Variants in CUX1 observed in about 807,000 individuals in gnomAD.
CUX1 encodes cut like homeobox 1, also known as protein CASP.
In CUX1, 31 loss-of-function variants were observed where a neutral mutation model predicts 158.8. The observed-to-expected ratio is 0.20, with a 90% CI of 0.15 to 0.26. CUX1 has a LOEUF of 0.26. CUX1 is among the 10% of genes least tolerant of loss of function. The pLI is 1.00. For synonymous variants in CUX1, 879 were observed against 862.1 expected (o/e 1.02, Z -0.34); for missense variants, 1,589 against 2,014.6 (o/e 0.79, Z 4.04).
intron 3 of CUX1, among the ~76,000 whole-genome samples, chr7:102,043,998 G>A (rs1487901237): frequency 1.3e-5 from 2 of 151,984 alleles, no homozygotes; most frequent in Non-Finnish European, 2.9e-5. Context: ...TCTTTTTTTA[G>A]AGAGAGACAG....
chr7:101,922,860 C>T (rs748996882), intron 2 of CUX1, among the ~76,000 whole-genome samples: 7 of 152,204 alleles, frequency 4.6e-5, no homozygotes, highest in Admixed American at 1.3e-4. Context: ...CTGGGCTGGC[C>T]ACAGCATGTC....
upstream of CUX1, chr7:101,817,543 C>T (rs1044085183): frequency 7.9e-7 from 1 of 1,272,526 alleles, no homozygotes; most frequent in Non-Finnish European, 9.9e-7. The surrounding 1 kb of genome is among the most constrained non-coding windows in gnomAD (Gnocchi z 4.1). Context: ...TGCCTGCCAC[C>T]CCCCGCCCGG....
chr7:102,104,468 G>A lies in CUX1; in HGVS notation c.530+9G>A. The A allele has an allele frequency of 6.2e-7, 1 of 1,612,360 alleles. No homozygotes were observed. The highest frequency in any genetic ancestry group is 1.1e-5 in the South Asian group (1 of 90,830). On this transcript the variant is annotated intron_variant, in intron 6 of 23. Transcript: ENST00000292535. ...TTTGCAGAAAAGGAGAGGTGAGCATGACTTCCAGGCACACACAGACTGACA... is the reference window on the plus strand; with the variant it reads ...TTTGCAGAAAAGGAGAGGTGAGCATAACTTCCAGGCACACACAGACTGACA...
At chr7:102,274,805 G>T (rs1439170629) in intron 16 of CUX1, among the ~76,000 whole-genome samples, 1 of 152,224 alleles carries the variant, frequency 6.6e-6, no homozygotes, top group East Asian at 1.9e-4. Context: ...AGCCTCCTTG[G>T]GTATTGAGGA....
At chr7:102,186,746 G>T (rs1441339778) in intron 11 of CUX1, 2 of 152,076 alleles carry the variant, frequency 1.3e-5, no homozygotes, top group Non-Finnish European at 2.9e-5. Context: ...AATCTTACGG[G>T]ACTCAGGCCA....
intron 21 of CUX1, among the ~76,000 whole-genome samples, chr7:102,282,083 AGGGACGAGAAGGACCCACCCCATT>A (rs1792117393): frequency 6.6e-6 from 1 of 152,074 alleles, no homozygotes; most frequent in Non-Finnish European, 1.5e-5. Flanking sequence ...GGCCCACCCC[AGGGACGAGAAGGACCCACCCCATT>A]GGGACCTCTG....
Position 101,916,562 on chromosome 7 carries a change from T to C in CUX1, c.141+337T>C. On this transcript the variant is annotated intron_variant, in intron 2 of 23. Transcript: ENST00000292535. The surrounding 1 kb of genome is among the most constrained non-coding windows in gnomAD (Gnocchi z 4.4). The stretch of plus-strand genomic sequence containing the variant: ...ATCCCAGACCCTGTCCCATGTCAGT[T>C]AGCAAGCCACCAAAGTCCATAAGGG... 3.8e-6 allele frequency: 1 copy of C among 259,808 alleles called. No individual in the cohort carries two copies. Among genetic ancestry groups the C allele is most frequent in the Admixed American group, 4.6e-5 (1 of 21,906 alleles). The allele number at this position is 259,808 out of a possible 1,614,324, so 16.1% of individuals were successfully genotyped here.
intron 4 of CUX1, among the ~76,000 whole-genome samples, chr7:102,094,054 G>A (rs1439773631): frequency 1.3e-5 from 2 of 152,192 alleles, no homozygotes; most frequent in African/African-American, 4.8e-5. Flanking sequence ...TATTATTTCC[G>A]TAGATTAACA....
chr7:102,010,948 C>G (rs1817933118), intron 2 of CUX1, among the ~76,000 whole-genome samples: 1 of 151,886 alleles, frequency 6.6e-6, no homozygotes, highest in African/African-American at 2.4e-5. Context: ...CCCATCTCTA[C>G]TAAAAATACA....
At position 102,253,448 on chromosome 7, in the gene CUX1, G is replaced by C; in HGVS notation, c.*4406G>C. 1 of 985,494 alleles carries C rather than the reference G, an allele frequency of 1.0e-6. No individual in the cohort carries two copies. The highest frequency in any genetic ancestry group is 1.2e-6 in the Non-Finnish European group (1 of 829,952). The allele number at this position is 985,494 out of a possible 1,614,324, so 61.0% of individuals were successfully genotyped here. A position where few individuals can be genotyped will look rare whatever the true frequency, so the allele number is the denominator to read the frequency against. On this transcript the variant is annotated 3_prime_UTR_variant, in exon 24 of 24. Coordinates refer to ENST00000292535, the MANE Select transcript of CUX1 (RefSeq NM_181552.4). ...CCCCAGGTGAGCTCTCTGACGGGCA[G>C]GTGCCTTCCCGACTAAGGTTGGACT...
At chr7:101,826,877 C>A (rs150977966) in intron 1 of CUX1, among the ~76,000 whole-genome samples, 11 of 152,298 alleles carry the variant, frequency 7.2e-5, no homozygotes, top group African/African-American at 2.6e-4. Context: ...CCCCCACTCT[C>A]TGCCTTGTGT....
At chr7:102,038,125 G>C (rs1290258577) in intron 3 of CUX1, among the ~76,000 whole-genome samples, 5 of 151,896 alleles carry the variant, frequency 3.3e-5, no homozygotes, top group Non-Finnish European at 1.5e-5. Context: ...TAGAAAAAAG[G>C]TTTGCCGTTC....
intron 20 of CUX1, among the ~76,000 whole-genome samples, chr7:102,216,580 T>A (rs868991766): frequency 0.074 from 881 of 11,850 alleles, 22 homozygotes; most frequent in African/African-American, 0.1. Context: ...ACACACACAC[T>A]CTCCCACACA....
At chr7:101,905,139 C>T (rs968746796) in intron 1 of CUX1, among the ~76,000 whole-genome samples, 2 of 152,080 alleles carry the variant, frequency 1.3e-5, no homozygotes, top group Non-Finnish European at 2.9e-5. Context: ...AACCTCTCTC[C>T]CTCGTTTTGT....
rs1554535722 is a variant in CUX1 at position 102,243,679 on chromosome 7, A to AT, written c.3887+4095_3887+4096insT. 4.2e-4 allele frequency among the ~76,000 whole-genome samples: 61 copies of AT among 144,156 alleles called. No individual in the cohort carries two copies. The East Asian group carries it at 0.011, about 25-fold the overall frequency. The allele number at this position is 144,156 out of a possible 152,430, so 94.6% of individuals were successfully genotyped here. A position where few individuals can be genotyped will look rare whatever the true frequency, so the allele number is the denominator to read the frequency against. ...AATAATAATAATAATAATAATAATA[A>AT]AATAAATGAAGGAGAAGTGAGCATT... On this transcript the variant is annotated intron_variant, in intron 23 of 23. Transcript: ENST00000292535.
At chr7:102,189,606 C>T (rs552399295) in intron 11 of CUX1, among the ~76,000 whole-genome samples, 144 of 152,198 alleles carry the variant, frequency 9.5e-4, no homozygotes, top group Non-Finnish European at 1.6e-3. Flanking sequence ...AGCATCCCTA[C>T]ACACTTTGCC....
chr7:102,027,674 G>A (rs118134399), intron 2 of CUX1, among the ~76,000 whole-genome samples: 4,125 of 152,122 alleles, frequency 0.027, 79 homozygotes, highest in Middle Eastern at 0.041. Flanking sequence ...TCGCCTGGAC[G>A]ACATGATGAA....
chr7:102,039,641 C>T (rs1443224890), intron 3 of CUX1, among the ~76,000 whole-genome samples: 2 of 145,570 alleles, frequency 1.4e-5, no homozygotes, highest in East Asian at 2.0e-4. Context: ...GGCAACAGAG[C>T]GAGACCCTGT....
At chr7:102,144,440 C>T (rs76293975) in intron 8 of CUX1, among the ~76,000 whole-genome samples, 10,367 of 152,152 alleles carry the variant, frequency 0.068, 489 homozygotes, top group African/African-American at 0.13. Flanking sequence ...CTCCCAGAAT[C>T]CTTTCATTTC....
Sources: allele counts gnomAD v4.1 joint callset (sites outside exome capture counted in the v4.1 genomes callset), GRCh38; gene constraint gnomAD v4.1.1; non-coding constraint Gnocchi (gnomAD v3.1); transcripts MANE v1.5; gene names NCBI Gene and HGNC (gene_info 2026-07-23, HGNC 2026-07-21).